Variants in GRID2 observed in about 807,000 individuals in gnomAD.
GRID2 encodes the protein glutamate ionotropic receptor delta type subunit 2, also known as glutamate receptor ionotropic, delta-2.
A neutral mutation model predicts 114.8 loss-of-function variants in GRID2; 33 were observed. That is an observed-to-expected ratio of 0.29 (90% CI 0.22 to 0.38). GRID2 has a LOEUF of 0.38. GRID2 is among the 10% of genes least tolerant of loss of function. The pLI, the probability that GRID2 is intolerant of heterozygous loss-of-function variation, is 1.00. For missense variants in GRID2, 1,184 were observed against 1,257.7 expected (o/e 0.94, Z 0.89); for synonymous variants, 505 against 449.9 (o/e 1.12, Z -1.55).
chr4:92,535,576 G>A (rs1265614773), intron 1 of GRID2, among the ~76,000 whole-genome samples: 1 of 152,092 alleles, frequency 6.6e-6, no homozygotes. Context: ...AAAGGCCAGA[G>A]GAACAGCAAT....
At chr4:93,746,660 C>T (rs982075905) in intron 14 of GRID2, among the ~76,000 whole-genome samples, 2 of 151,908 alleles carry the variant, frequency 1.3e-5, no homozygotes, top group South Asian at 2.1e-4. Context: ...TTTTGGTAGT[C>T]GTATTTTTAT....
At position 93,759,119 on chromosome 4, in the gene GRID2, G is replaced by A. The variant is rs915264864; in HGVS notation, c.2361-10091G>A. Among the ~76,000 whole-genome samples the A allele has an allele frequency of 1.6e-4, 25 of 152,122 alleles. No homozygotes were observed. The East Asian group carries it at 4.8e-3, about 29-fold the overall frequency. On this transcript the variant is annotated intron_variant, in intron 14 of 15. Coordinates refer to ENST00000282020, the MANE Select transcript of GRID2 (RefSeq NM_001510.4). The stretch of plus-strand genomic sequence containing the variant: ...CATGTCTGCCATTTCTGTAATGAGT[G>A]CTTGACTTTTACTGCCAGCATAAAC...
intron 1 of GRID2, among the ~76,000 whole-genome samples, chr4:92,552,385 A>G (rs1167955924): frequency 6.6e-6 from 1 of 152,182 alleles, no homozygotes; most frequent in Admixed American, 6.5e-5. Context: ...ATACTTTGTG[A>G]CATTTGATAG....
At chr4:93,625,824 A>G (rs1398903451) in intron 13 of GRID2, among the ~76,000 whole-genome samples, 1 of 152,202 alleles carries the variant, frequency 6.6e-6, no homozygotes, top group East Asian at 1.9e-4. Context: ...TTGAGGCAGG[A>G]GAATGGCGTG....
chr4:93,803,062 A>G (rs1435588597), intron 1 of GRID2, among the ~76,000 whole-genome samples: 2 of 152,256 alleles, frequency 1.3e-5, no homozygotes, highest in African/African-American at 2.4e-5. Flanking sequence ...AATGAAAGGT[A>G]GAATCCTCAC....
At chr4:93,747,187 A>G (rs1299766441) in intron 14 of GRID2, among the ~76,000 whole-genome samples, 3 of 152,120 alleles carry the variant, frequency 2.0e-5, no homozygotes, top group African/African-American at 7.2e-5. Flanking sequence ...AGGTTTTAAA[A>G]CATGCCTTTG....
At chr4:92,698,435 A>T (rs1264529159) in intron 2 of GRID2, among the ~76,000 whole-genome samples, 1 of 152,076 alleles carries the variant, frequency 6.6e-6, no homozygotes, top group Non-Finnish European at 1.5e-5. Flanking sequence ...CTGACATGTC[A>T]CTATTAATAA....
chr4:93,307,721 G>T (rs1755581376), intron 8 of GRID2, among the ~76,000 whole-genome samples: 1 of 151,918 alleles, frequency 6.6e-6, no homozygotes, highest in Admixed American at 6.6e-5. Context: ...TTTCCAAATT[G>T]CCAATAATTC....
chr4:92,700,380 C>T (rs368734217), intron 2 of GRID2, among the ~76,000 whole-genome samples: 23 of 152,286 alleles, frequency 1.5e-4, no homozygotes, highest in African/African-American at 5.5e-4. Flanking sequence ...GAAACTTCTA[C>T]TACCAGACAC....
intron 14 of GRID2, among the ~76,000 whole-genome samples, chr4:93,657,625 G>A (rs1297767272): frequency 2.0e-5 from 3 of 151,780 alleles, no homozygotes; most frequent in South Asian, 2.1e-4. Flanking sequence ...AGGCTCAAGC[G>A]TAGATGTAGG....
chr4:93,294,064 A>G (rs1754028963), intron 8 of GRID2, among the ~76,000 whole-genome samples: 2 of 152,202 alleles, frequency 1.3e-5, no homozygotes, highest in African/African-American at 4.8e-5. Context: ...ATTAACATGG[A>G]TGACATTGTT....
intron 8 of GRID2, among the ~76,000 whole-genome samples, chr4:93,311,480 T>A (rs1377183938): frequency 6.6e-6 from 1 of 152,142 alleles, no homozygotes; most frequent in Non-Finnish European, 1.5e-5. Context: ...GCTTTAAGAT[T>A]AGCCTTTGGA....
chr4:93,792,006 A>G (rs1734703885), intron 1 of GRID2, among the ~76,000 whole-genome samples: 1 of 152,210 alleles, frequency 6.6e-6, no homozygotes, highest in Non-Finnish European at 1.5e-5. Context: ...TTGTAAATAT[A>G]GATGATTTAC....
At chr4:92,910,479 T>A (rs989585713) in intron 2 of GRID2, among the ~76,000 whole-genome samples, 2 of 152,190 alleles carry the variant, frequency 1.3e-5, no homozygotes, top group African/African-American at 4.8e-5. Flanking sequence ...ATTTAAAAAA[T>A]AATTCTAGAA....
At chr4:92,579,584 G>A (rs1728074982) in intron 1 of GRID2, among the ~76,000 whole-genome samples, 1 of 151,812 alleles carries the variant, frequency 6.6e-6, no homozygotes. Context: ...GAGAGTTTTA[G>A]ATTTAAGTCC....
At chr4:93,213,940 G>T (rs1426087471) in intron 5 of GRID2, among the ~76,000 whole-genome samples, 1 of 151,768 alleles carries the variant, frequency 6.6e-6, no homozygotes, top group Non-Finnish European at 1.5e-5. Context: ...AATTATTTTT[G>T]GGAAAAAAGG....
At chr4:93,200,566 A>AAAAAAAAAAACAAAC (rs1554006814) in intron 4 of GRID2, among the ~76,000 whole-genome samples, 1 of 149,864 alleles carries the variant, frequency 6.7e-6, no homozygotes, top group African/African-American at 2.5e-5. Flanking sequence ...ACTCCGTCTC[A>AAAAAAAAAAACAAAC]AAACAAACAA....
At chr4:92,737,366 TAGA>T (rs372136342) in intron 2 of GRID2, among the ~76,000 whole-genome samples, 270 of 152,212 alleles carry the variant, frequency 1.8e-3, no homozygotes, top group African/African-American at 6.0e-3. Flanking sequence ...TTTTGTCAGA[TAGA>T]AGAGTCTGCC....
intron 2 of GRID2, among the ~76,000 whole-genome samples, chr4:92,713,512 T>C (rs1735378283): frequency 1.6e-5 from 2 of 124,140 alleles, no homozygotes; most frequent in East Asian, 2.4e-4. Context: ...TATATATATA[T>C]ATATATTACC....
Sources: gnomAD v4.1 joint callset for allele counts (sites outside exome capture counted in the v4.1 genomes callset) on GRCh38, gnomAD v4.1.1 for gene constraint, MANE v1.5 for transcripts, NCBI Gene and HGNC (gene_info 2026-07-23, HGNC 2026-07-21) for gene names.